SAXO2: variants seen among roughly 807,000 people sequenced by gnomAD.
SAXO2 encodes the protein family with sequence similarity 154, member B.
In SAXO2, 17 loss-of-function variants were observed where a neutral mutation model predicts 18.7. The observed-to-expected ratio is 0.91, with a 90% CI of 0.62 to 1.36. The LOEUF (loss-of-function observed/expected upper bound fraction) is 1.36. SAXO2 is among the 40% of genes most tolerant of loss of function. The pLI is 0.00. For synonymous variants in SAXO2, 163 were observed against 181.2 expected, an observed-to-expected ratio of 0.90 and a Z score of 0.81; for missense variants, 486 against 562.6, an observed-to-expected ratio of 0.86 and a Z score of 1.38.
intron 2 of SAXO2, 83 bp from the exon 3 acceptor site, chr15:82,271,520 A>AAT: frequency 8.4e-7 from 1 of 1,190,708 alleles, no homozygotes; most frequent in Non-Finnish European, 1.2e-6. Flanking sequence ...AAGAAAAAAA[A>AAT]GCCTTGACAT....
At chr15:82,278,669 C>T (rs2075336792) in intron 3 of SAXO2, among the ~76,000 whole-genome samples, 1 of 151,876 alleles carries the variant, frequency 6.6e-6, no homozygotes, top group South Asian at 2.1e-4. Flanking sequence ...TAAAAAAAAC[C>T]TTAACAAATA....
At chr15:82,274,112 G>C (rs1329506591) in intron 3 of SAXO2, among the ~76,000 whole-genome samples, 1 of 151,842 alleles carries the variant, frequency 6.6e-6, no homozygotes, top group Admixed American at 6.6e-5. Context: ...TGTTGTCCCC[G>C]ATGCTGGGAA....
intron 3 of SAXO2, among the ~76,000 whole-genome samples, chr15:82,273,374 G>A (rs1165766929): frequency 6.6e-6 from 1 of 152,096 alleles, no homozygotes; most frequent in African/African-American, 2.4e-5. Flanking sequence ...TTGTAAGAGT[G>A]ATACCATCAA....
intron 2 of SAXO2, among the ~76,000 whole-genome samples, chr15:82,268,047 T>C (rs2075236228): frequency 1.3e-5 from 2 of 152,320 alleles, no homozygotes; most frequent in South Asian, 4.1e-4. Flanking sequence ...AGTCCAGAAA[T>C]AAAAATATCA....
At chr15:82,277,049 G>A (rs1270404020) in intron 3 of SAXO2, among the ~76,000 whole-genome samples, 1 of 152,164 alleles carries the variant, frequency 6.6e-6, no homozygotes, top group Non-Finnish European at 1.5e-5. Context: ...TTGCTTACAG[G>A]TTCTTCCATG....
intron 2 of SAXO2, among the ~76,000 whole-genome samples, chr15:82,269,298 G>C (rs2075248482): frequency 6.6e-6 from 1 of 152,154 alleles, no homozygotes; most frequent in African/African-American, 2.4e-5. Flanking sequence ...TTTATCAGGG[G>C]AATGAGAAAA....
chr15:82,263,184 G>A (rs1256951042), intron 1 of SAXO2: 2 of 1,452,056 alleles, frequency 1.4e-6, no homozygotes, highest in Non-Finnish European at 1.8e-6. Flanking sequence ...TGCCACCCGG[G>A]CCAGGTAAGT....
intron 3 of SAXO2, 135 bp downstream of exon 3, chr15:82,271,937 T>C (rs2075275942): frequency 1.4e-6 from 1 of 728,142 alleles, no homozygotes; most frequent in Non-Finnish European, 2.3e-6. Context: ...ATTTCTCTCT[T>C]TGGCAAAATA....
At chr15:82,276,020 C>T (rs879173628) in intron 3 of SAXO2, among the ~76,000 whole-genome samples, 2 of 152,334 alleles carry the variant, frequency 1.3e-5, no homozygotes, top group East Asian at 3.9e-4. Flanking sequence ...TGCCAAAAGA[C>T]TCCTGGACCT....
At chr15:82,273,488 A>G (rs1256374731) in intron 3 of SAXO2, among the ~76,000 whole-genome samples, 1 of 152,210 alleles carries the variant, frequency 6.6e-6, no homozygotes, top group East Asian at 1.9e-4. Flanking sequence ...AGTGCAGGAT[A>G]TCAATATGCT....
At chr15:82,264,908 C>A in intron 1 of SAXO2, 1 of 591,300 alleles carries the variant, frequency 1.7e-6, no homozygotes, top group Admixed American at 2.9e-5. Flanking sequence ...TAGCTCTCTT[C>A]TGAATCAAAG....
At position 82,269,594 on chromosome 15, in the gene SAXO2, AG is replaced by A. The variant is rs1567089393; in HGVS notation, c.234-2006del. ...GTTTTGTTTTTTTGGTGGAGGGTGGAGGGTGGACTTGGGGAGGAAGAAAGGT... is the reference window on the plus strand; with the variant it reads ...GTTTTGTTTTTTTGGTGGAGGGTGGAGGTGGACTTGGGGAGGAAGAAAGGT... On this transcript the variant is annotated intron_variant, in intron 2 of 3. Coordinates refer to ENST00000682753, the MANE Select transcript of SAXO2 (RefSeq NM_001348699.2). 2.0e-5 allele frequency among the ~76,000 whole-genome samples: 3 copies of A among 152,146 alleles called. No homozygotes were observed. In the East Asian group the frequency reaches 5.8e-4, roughly 29 times the overall value.
chr15:82,270,504 G>A (rs535488994), intron 2 of SAXO2, among the ~76,000 whole-genome samples: 136 of 152,328 alleles, frequency 8.9e-4, no homozygotes, highest in African/African-American at 2.6e-3. Context: ...GGATTGAAGT[G>A]GGTGAGAAAA....
rs776507605 is a variant in SAXO2, at chr15:82,282,661, A to G, written c.976A>G (p.Ile326Val). 1 of 1,614,188 alleles carries G rather than the reference A, an allele frequency of 6.2e-7. No individual in the cohort carries two copies. Residue 326 changes from isoleucine (I) to valine (V), a missense_variant, in exon 4 of 4, where the codon ATC (isoleucine) becomes GTC (valine). Coordinates refer to ENST00000682753, the MANE Select transcript of SAXO2 (RefSeq NM_001348699.2). ...ATATCAGGCCAACCATGTTGTTCCC[A>G]TCAGGCCAGTTTCTCAAAAAAGAAG... ...VPYQANHVVP[I>V]RPVSQKRSNN... is the part of the protein sequence containing the mutation.
intron 1 of SAXO2, chr15:82,264,842 C>T (rs1429462367): frequency 4.4e-6 from 3 of 677,002 alleles, no homozygotes; most frequent in Non-Finnish European, 8.0e-6. Context: ...CTCTTGTTGC[C>T]TCTATTATGT....
Position 82,282,516 on chromosome 15 carries a change from A to T in SAXO2, c.831A>T (p.Glu277Asp). The T allele has an allele frequency of 6.2e-7, 1 of 1,614,186 alleles. No individual in the cohort carries two copies. Among genetic ancestry groups the T allele is most frequent in the East Asian group, 2.2e-5 (1 of 44,884 alleles). ...TQNALFEGSTEFRESFQPWEI... is the reference protein window; with the variant it reads ...TQNALFEGSTDFRESFQPWEI... ...ATGCTCTGTTTGAAGGAAGCACTGA[A>T]TTCCGTGAAAGTTTTCAACCATGGG... The change falls in exon 4 of 4, where the codon GAA becomes GAT. Residue 277 changes from glutamate to aspartate, a missense_variant. By Grantham distance (45) the Glu-to-Asp change is conservative. Transcript: ENST00000682753.
chr15:82,268,376 T>TA (rs1412527994), intron 2 of SAXO2, among the ~76,000 whole-genome samples: 12 of 152,202 alleles, frequency 7.9e-5, no homozygotes, highest in Non-Finnish European at 1.8e-4. Context: ...CTTAATAATT[T>TA]AAAAAACAAA....
At chr15:82,280,455 G>T (rs1412791771) in intron 3 of SAXO2, among the ~76,000 whole-genome samples, 1 of 151,490 alleles carries the variant, frequency 6.6e-6, no homozygotes, top group East Asian at 2.0e-4. Flanking sequence ...CTTTTATACT[G>T]TAGTTTGCAA....
In SAXO2 at chr15:82,265,762, A is replaced by C. The variant is rs1340837421; in HGVS notation, c.233+14A>C. On this transcript the variant is annotated intron_variant, in intron 2 of 3. Coordinates refer to ENST00000682753, the MANE Select transcript of SAXO2 (RefSeq NM_001348699.2). Reference sequence around the variant, plus strand: ...AACTACATTTAAGTAAATATTTAGTAACTATTTGCTTTACTTATTTTTCTC... The same window carrying C: ...AACTACATTTAAGTAAATATTTAGTCACTATTTGCTTTACTTATTTTTCTC... 10 of 1,510,206 alleles carry C rather than the reference A, an allele frequency of 6.6e-6. No individual in the cohort carries two copies. In the Middle Eastern group the frequency reaches 8.6e-4, roughly 129 times the overall value. 93.6% of individuals were successfully genotyped at this position (1,510,206 alleles called of 1,614,324 possible).
Sources: gnomAD v4.1 joint callset for allele counts (sites outside exome capture counted in the v4.1 genomes callset) on GRCh38, gnomAD v4.1.1 for gene constraint, MANE v1.5 for transcripts, NCBI Gene and HGNC (gene_info 2026-07-23, HGNC 2026-07-21) for gene names.